Variants in MATN2 observed in about 807,000 individuals in gnomAD.
MATN2 encodes the protein matrilin-2.
Under a neutral mutation model 103.2 loss-of-function variants are expected in MATN2, and 69 were observed. The observed-to-expected ratio is 0.67, with a 90% CI of 0.55 to 0.82. MATN2 has a LOEUF of 0.82. Among genes scored for constraint, MATN2 ranks in the 40% least tolerant of loss-of-function variants. The pLI, the probability that MATN2 is intolerant of heterozygous loss-of-function variation, is 0.00. For missense variants in MATN2, 1,023 were observed against 1,211.5 expected (o/e 0.84, Z 2.31); for synonymous variants, 429 against 450.2 (o/e 0.95, Z 0.60).
intron 7 of MATN2, among the ~76,000 whole-genome samples, chr8:97,996,452 C>T (rs184859148): frequency 4.6e-5 from 7 of 152,288 alleles, no homozygotes; most frequent in East Asian, 1.9e-4. Flanking sequence ...GCTGTGGCCC[C>T]GACCAGAGTC....
chr8:97,877,882 G>C (rs879605404), intron 1 of MATN2, among the ~76,000 whole-genome samples: 2 of 152,218 alleles, frequency 1.3e-5, no homozygotes, highest in Non-Finnish European at 2.9e-5. Context: ...TGTCCAAAGT[G>C]TATGTGGGGT....
Position 97,912,999 on chromosome 8 carries a change from CA to C in MATN2, c.143-17953del, listed in dbSNP as rs539928025. 6.1e-4 allele frequency among the ~76,000 whole-genome samples: 93 copies of C among 152,308 alleles called. No homozygotes were observed. The South Asian group carries it at 0.018, about 30-fold the overall frequency. On this transcript the variant is annotated intron_variant, in intron 2 of 18. Coordinates refer to ENST00000254898, the MANE Select transcript of MATN2 (RefSeq NM_002380.5). ...CAGGGACCACCACGCAAGAGCACCT[CA>C]CTGGGATCAGGATGGTGCTGCCACC...
chr8:98,021,716 TGAGA>T (rs1813599094), intron 13 of MATN2, among the ~76,000 whole-genome samples: 1 of 150,534 alleles, frequency 6.6e-6, no homozygotes, highest in African/African-American at 2.4e-5. Flanking sequence ...AAAGGAGTCT[TGAGA>T]GAATTATTTT....
At chr8:97,960,508 C>T (rs1232175136) in intron 4 of MATN2, among the ~76,000 whole-genome samples, 2 of 152,184 alleles carry the variant, frequency 1.3e-5, no homozygotes, top group African/African-American at 2.4e-5. Context: ...TCCATTCCTA[C>T]GTTGCATGTG....
chr8:98,016,654 C>T lies in MATN2; in HGVS notation c.1688C>T (p.Thr563Ile), dbSNP rs1381090527. 1.2e-6 allele frequency: 2 copies of T among 1,611,394 alleles called. No individual in the cohort carries two copies. Among genetic ancestry groups the T allele is most frequent in the African/African-American group, 1.3e-5 (1 of 74,992 alleles). Residue 563 changes from threonine (T) to isoleucine (I), a missense_variant, in exon 11 of 19, where the codon ACC becomes ATC. By Grantham distance (89) the Thr-to-Ile change is moderately conservative. Transcript: ENST00000254898. Reference sequence around the variant, plus strand: ...TATATACTCCGTGAAGATGGAAAAACCTGCAGAAGTAAGTTTGTACTGGAG... The same window carrying T: ...TATATACTCCGTGAAGATGGAAAAATCTGCAGAAGTAAGTTTGTACTGGAG... Reference protein sequence around the residue: ...EGYILREDGKTCRRKDVCQAI... With the variant: ...EGYILREDGKICRRKDVCQAI...
intron 8 of MATN2, chr8:98,004,429 T>G (rs1812895985): frequency 6.6e-6 from 1 of 152,584 alleles, no homozygotes; most frequent in South Asian, 2.1e-4. Context: ...ATCCAACCTC[T>G]CCCACCTACT....
At chr8:97,922,470 C>T (rs558937879) in intron 2 of MATN2, among the ~76,000 whole-genome samples, 1 of 152,266 alleles carries the variant, frequency 6.6e-6, no homozygotes, top group Non-Finnish European at 1.5e-5. Context: ...GCTAGTTTAC[C>T]TTTATTCATT....
chr8:97,897,367 T>C (rs1286389102), intron 2 of MATN2, among the ~76,000 whole-genome samples: 1 of 152,222 alleles, frequency 6.6e-6, no homozygotes, highest in East Asian at 1.9e-4. Context: ...ATAAACTAAC[T>C]GTAATCTAGG....
At chr8:97,872,309 A>G (rs1817921831) in intron 1 of MATN2, among the ~76,000 whole-genome samples, 1 of 152,252 alleles carries the variant, frequency 6.6e-6, no homozygotes, top group South Asian at 2.1e-4. Context: ...CAGGTGGATC[A>G]GCTAACATTT....
At chr8:98,006,283 TTTTTCA>T (rs1193431260) in intron 8 of MATN2, among the ~76,000 whole-genome samples, 1 of 152,234 alleles carries the variant, frequency 6.6e-6, no homozygotes, top group Non-Finnish European at 1.5e-5. Flanking sequence ...ATGACAACTC[TTTTTCA>T]TTTTCAATTA....
intron 4 of MATN2, among the ~76,000 whole-genome samples, chr8:97,948,495 T>G (rs1014862465): frequency 2.0e-5 from 3 of 152,182 alleles, no homozygotes; most frequent in African/African-American, 7.2e-5. Context: ...GGTATAAAGA[T>G]GAACATATAG....
At chr8:97,992,975 C>T (rs956541051) in intron 6 of MATN2, among the ~76,000 whole-genome samples, 9 of 149,978 alleles carry the variant, frequency 6.0e-5, no homozygotes, top group Non-Finnish European at 1.2e-4. Context: ...AATACAATGT[C>T]TGGGGTTTGC....
chr8:97,984,662 T>C (rs1812135295), intron 6 of MATN2, among the ~76,000 whole-genome samples: 1 of 152,236 alleles, frequency 6.6e-6, no homozygotes, highest in African/African-American at 2.4e-5. Flanking sequence ...TGGTGTGCAA[T>C]GTGTATGTAT....
chr8:97,988,189 T>TATATATATATATATATATACACACAC (rs71570279), intron 6 of MATN2, among the ~76,000 whole-genome samples: 41 of 54,868 alleles, frequency 7.5e-4, no homozygotes, highest in Admixed American at 1.1e-3. Context: ...TATATATATA[T>TATATATATATATATATATACACACAC]ACACACACAC....
intron 2 of MATN2, among the ~76,000 whole-genome samples, chr8:97,917,597 A>T (rs1019262280): frequency 6.6e-6 from 1 of 152,148 alleles, no homozygotes; most frequent in Non-Finnish European, 1.5e-5. Context: ...GGCTACCCCA[A>T]CTTCCTTTTC....
At chr8:97,979,556 G>A (rs1296811742) in intron 6 of MATN2, among the ~76,000 whole-genome samples, 1 of 148,724 alleles carries the variant, frequency 6.7e-6, no homozygotes, top group South Asian at 2.2e-4. Context: ...CATAAAATTC[G>A]ATAAACTAAA....
intron 7 of MATN2, among the ~76,000 whole-genome samples, chr8:97,996,792 G>A (rs2130361587): frequency 6.6e-6 from 1 of 152,270 alleles, no homozygotes; most frequent in South Asian, 2.1e-4. Context: ...AAAATCTGGA[G>A]TCCGTTATTA....
intron 8 of MATN2, among the ~76,000 whole-genome samples, chr8:98,004,810 G>C (rs966732392): frequency 6.6e-6 from 1 of 152,228 alleles, no homozygotes; most frequent in Admixed American, 6.5e-5. Flanking sequence ...GCTCCACTGG[G>C]TGATGTAAAT....
chr8:97,966,376 C>T (rs1186831814), intron 5 of MATN2, among the ~76,000 whole-genome samples: 1 of 151,118 alleles, frequency 6.6e-6, no homozygotes, highest in African/African-American at 2.4e-5. Flanking sequence ...GGCAACAAAG[C>T]AAGACCCTAT....
Sources: gnomAD v4.1 joint callset for allele counts (sites outside exome capture counted in the v4.1 genomes callset) on GRCh38, gnomAD v4.1.1 for gene constraint, MANE v1.5 for transcripts, NCBI Gene and HGNC (gene_info 2026-07-23, HGNC 2026-07-21) for gene names.